The following MAP3K5 variants were observed in gnomAD, a reference collection of about 807,000 sequenced individuals.
MAP3K5 encodes the protein mitogen-activated protein kinase kinase kinase 5.
A neutral mutation model predicts 158.7 loss-of-function variants in MAP3K5; 56 were observed. That is an observed-to-expected ratio of 0.35 (90% CI 0.28 to 0.44). The LOEUF is 0.44. MAP3K5 is among the 20% of genes least tolerant of loss of function. The probability of loss-of-function intolerance (pLI) is 1.00; values close to 1 mark genes in which losing one functional copy is unlikely to be tolerated. For synonymous variants in MAP3K5, 579 were observed against 601.7 expected, an observed-to-expected ratio of 0.96 and a Z score of 0.55; for missense variants, 1,294 against 1,674.8, an observed-to-expected ratio of 0.77 and a Z score of 3.97.
chr6:136,776,694 T>C (rs768432610), intron 1 of MAP3K5, among the ~76,000 whole-genome samples: 1 of 152,240 alleles, frequency 6.6e-6, no homozygotes, highest in East Asian at 1.9e-4. Flanking sequence ...TGGAGTTGTC[T>C]CCCTTTTGCC....
upstream of MAP3K5, among the ~76,000 whole-genome samples, chr6:136,793,046 G>T (rs1414182470): frequency 6.6e-6 from 1 of 152,192 alleles, no homozygotes; most frequent in Non-Finnish European, 1.5e-5. Flanking sequence ...GACCTGGAGC[G>T]CAAGCGATTA....
At chr6:136,587,635 T>C (rs1403925716) in intron 23 of MAP3K5, among the ~76,000 whole-genome samples, 1 of 152,170 alleles carries the variant, frequency 6.6e-6, no homozygotes, top group Non-Finnish European at 1.5e-5. Context: ...GTTCTACCAC[T>C]GAATCACCAT....
intron 10 of MAP3K5, among the ~76,000 whole-genome samples, chr6:136,655,438 A>G (rs1311338379): frequency 2.6e-5 from 4 of 152,252 alleles, no homozygotes; most frequent in Non-Finnish European, 5.9e-5. Context: ...TGCTCATGTC[A>G]GCAATGGATT....
chr6:136,633,696 T>A (rs2129103114), intron 14 of MAP3K5, among the ~76,000 whole-genome samples: 1 of 152,200 alleles, frequency 6.6e-6, no homozygotes, highest in South Asian at 2.1e-4. Flanking sequence ...AGAAAAGGAG[T>A]TATTGCCTTG....
At chr6:136,560,942 C>CA (rs893222209) in intron 28 of MAP3K5, among the ~76,000 whole-genome samples, 1 of 120,342 alleles carries the variant, frequency 8.3e-6, no homozygotes, top group Non-Finnish European at 1.7e-5. Flanking sequence ...ACCTTGTCTC[C>CA]AAAAAAATAT....
At chr6:136,735,341 A>G (rs1429753186) in intron 1 of MAP3K5, among the ~76,000 whole-genome samples, 1 of 152,194 alleles carries the variant, frequency 6.6e-6, no homozygotes, top group African/African-American at 2.4e-5. Context: ...ATTAAAAGAG[A>G]CTTAAGGAAC....
At chr6:136,780,432 C>T (rs935886635) in intron 1 of MAP3K5, among the ~76,000 whole-genome samples, 13 of 152,260 alleles carry the variant, frequency 8.5e-5, no homozygotes, top group African/African-American at 3.1e-4. Context: ...CATATTTGCT[C>T]TTCGAACTCT....
intron 1 of MAP3K5, among the ~76,000 whole-genome samples, chr6:136,761,288 T>A (rs367900611): frequency 4.6e-4 from 55 of 118,418 alleles, no homozygotes; most frequent in Non-Finnish European, 5.7e-4. Flanking sequence ...ACCCTAACTT[T>A]AAAAAAAAAA....
At chr6:136,757,144 G>C (rs1057484422) in intron 1 of MAP3K5, among the ~76,000 whole-genome samples, 4 of 152,210 alleles carry the variant, frequency 2.6e-5, no homozygotes, top group Non-Finnish European at 5.9e-5. Context: ...GTTCCAGCCT[G>C]GCTCACCAGA....
chr6:136,755,590 G>A (rs185055358), intron 1 of MAP3K5, among the ~76,000 whole-genome samples: 3 of 150,960 alleles, frequency 2.0e-5, no homozygotes, highest in Admixed American at 1.3e-4. Context: ...GGTGGCACAC[G>A]CCTGTGGTCA....
chr6:136,692,099 G>A lies in MAP3K5; in HGVS notation c.1253+2041C>T, dbSNP rs1780414746. On this transcript the variant is annotated intron_variant, in intron 7 of 29. Transcript: ENST00000359015. ...TTTTTCTTTTTTTTAATAAGACAAG[G>A]TATTTTTATATTGTCCAGGCAGGTC... Among the ~76,000 whole-genome samples, 3 of 150,742 alleles carry A rather than the reference G, an allele frequency of 2.0e-5. No homozygotes were observed. In the South Asian group the frequency reaches 6.3e-4, roughly 32 times the overall value.
chr6:136,713,240 G>A (rs1562637368), intron 2 of MAP3K5, among the ~76,000 whole-genome samples: 3 of 152,126 alleles, frequency 2.0e-5, no homozygotes, highest in East Asian at 1.9e-4. Context: ...ATAGGCCTAC[G>A]ACCAGAGTCA....
chr6:136,783,377 T>C (rs975536623), intron 1 of MAP3K5, among the ~76,000 whole-genome samples: 2 of 152,086 alleles, frequency 1.3e-5, no homozygotes, highest in Non-Finnish European at 1.5e-5. Flanking sequence ...TTCCCTTTTA[T>C]GCCACTAATA....
At chr6:136,716,850 C>A (rs1781551212) in intron 2 of MAP3K5, among the ~76,000 whole-genome samples, 1 of 152,080 alleles carries the variant, frequency 6.6e-6, no homozygotes, top group Non-Finnish European at 1.5e-5. Flanking sequence ...AGTGTTGTTA[C>A]AATGCTAAAG....
chr6:136,575,970 C>T (rs1417511108), intron 25 of MAP3K5, among the ~76,000 whole-genome samples: 2 of 152,190 alleles, frequency 1.3e-5, no homozygotes, highest in African/African-American at 2.4e-5. Context: ...CTTTAGCAGT[C>T]ATTGATGGTC....
intron 1 of MAP3K5, among the ~76,000 whole-genome samples, chr6:136,723,230 T>C (rs1203724510): frequency 6.6e-6 from 1 of 151,866 alleles, no homozygotes; most frequent in Non-Finnish European, 1.5e-5. Flanking sequence ...TATATAATAA[T>C]TTCAAATAAT....
chr6:136,674,585 A>T (rs189373804), intron 7 of MAP3K5, among the ~76,000 whole-genome samples: 11 of 152,164 alleles, frequency 7.2e-5, no homozygotes, highest in Non-Finnish European at 1.0e-4. Flanking sequence ...CAAATAGTCA[A>T]TATTATTGAT....
At chr6:136,583,506 C>A in intron 24 of MAP3K5, 49 bp downstream of exon 24, 1 of 1,473,658 alleles carries the variant, frequency 6.8e-7, no homozygotes. Context: ...TCTTATTTTT[C>A]TAACTAATTT....
chr6:136,645,031 C>A (rs1272762032), intron 11 of MAP3K5, among the ~76,000 whole-genome samples: 1 of 152,106 alleles, frequency 6.6e-6, no homozygotes, highest in Non-Finnish European at 1.5e-5. Context: ...TAGGCTCAAG[C>A]AATCCTCCCG....
Sources: gnomAD v4.1 joint callset for allele counts (sites outside exome capture counted in the v4.1 genomes callset) on GRCh38, gnomAD v4.1.1 for gene constraint, MANE v1.5 for transcripts, NCBI Gene and HGNC (gene_info 2026-07-23, HGNC 2026-07-21) for gene names.